The following MAP2 variants were observed in gnomAD, a reference collection of about 807,000 sequenced individuals.
MAP2 encodes microtubule-associated protein 2.
In MAP2, 14 loss-of-function variants were observed where a neutral mutation model predicts 137.6. The observed-to-expected ratio is 0.10, with a 90% confidence interval of 0.07 to 0.16. The LOEUF (loss-of-function observed/expected upper bound fraction) is 0.16. MAP2 is among the 10% of genes least tolerant of loss of function. The pLI, the probability that MAP2 is intolerant of heterozygous loss-of-function variation, is 1.00. For synonymous variants in MAP2, 786 were observed against 782.3 expected (o/e 1.00, Z -0.08); for missense variants, 2,088 against 2,191.5 (o/e 0.95, Z 0.94).
intron 3 of MAP2, among the ~76,000 whole-genome samples, chr2:209,623,261 T>C (rs1402065085): frequency 6.6e-6 from 1 of 152,180 alleles, no homozygotes; most frequent in Non-Finnish European, 1.5e-5. Flanking sequence ...GGAGTGGCTA[T>C]GTGCCAAAAG....
chr2:209,720,392 G>A (rs141339628), intron 13 of MAP2, among the ~76,000 whole-genome samples: 5,810 of 151,970 alleles, frequency 0.038, 196 homozygotes, highest in Middle Eastern at 0.078. Context: ...TAATCCCAGC[G>A]CTTTGGGAGG....
intron 2 of MAP2, among the ~76,000 whole-genome samples, chr2:209,536,788 C>G (rs1227550391): frequency 6.6e-6 from 1 of 151,868 alleles, no homozygotes; most frequent in African/African-American, 2.4e-5. Context: ...TTTCATAAAC[C>G]TGTGAAATGT....
intron 2 of MAP2, among the ~76,000 whole-genome samples, chr2:209,522,124 A>G (rs368231624): frequency 7.2e-5 from 11 of 152,060 alleles, no homozygotes; most frequent in Non-Finnish European, 1.0e-4. Context: ...CCAGTGCCCC[A>G]TTAGGATTGA....
At chr2:209,687,960 A>G (rs542981622) in intron 7 of MAP2, among the ~76,000 whole-genome samples, 1 of 152,264 alleles carries the variant, frequency 6.6e-6, no homozygotes, top group African/African-American at 2.4e-5. Context: ...GCCAGGAGAA[A>G]GGTGAACCAA....
chr2:209,540,930 A>G (rs1188639295), intron 2 of MAP2, among the ~76,000 whole-genome samples: 3 of 151,042 alleles, frequency 2.0e-5, no homozygotes, highest in Non-Finnish European at 4.4e-5. Context: ...CAGTGCATAC[A>G]ATAGTTACGT....
At chr2:209,627,497 G>T (rs1328532390) in intron 4 of MAP2, among the ~76,000 whole-genome samples, 1 of 152,056 alleles carries the variant, frequency 6.6e-6, no homozygotes, top group African/African-American at 2.4e-5. Flanking sequence ...TTACCATTTT[G>T]CATAGGAGGC....
intron 2 of MAP2, among the ~76,000 whole-genome samples, chr2:209,560,292 T>C (rs1326873722): frequency 6.6e-6 from 1 of 152,248 alleles, no homozygotes; most frequent in Non-Finnish European, 1.5e-5. Flanking sequence ...TGAAGAATGA[T>C]AAAACATACA....
chr2:209,542,932 T>C (rs554748389), intron 2 of MAP2, among the ~76,000 whole-genome samples: 1 of 152,364 alleles, frequency 6.6e-6, no homozygotes, highest in Admixed American at 6.5e-5. Context: ...TCTGGAGTAG[T>C]ACTTTTAATT....
chr2:209,678,681 T>C lies in MAP2; in HGVS notation c.372T>C (p.Pro124=). 1 of 1,585,028 alleles carries C rather than the reference T, an allele frequency of 6.3e-7. No individual in the cohort carries two copies. The highest frequency in any genetic ancestry group is 8.6e-7 in the Non-Finnish European group (1 of 1,162,612). The change falls in exon 6 of 16, where the codon CCT becomes CCC. Residue 124 remains proline (P), a synonymous_variant. Transcript: ENST00000682079. ...ATAAAGACCAGACTGCAGCTCTGCC[T>C]TTAGGTAAATAAGAAGATTCTCAGG... ...AQHKDQTAAL[P]LAAEETANLP... is the part of the protein sequence containing the mutation.
chr2:209,669,055 A>G (rs1180763950), intron 5 of MAP2, among the ~76,000 whole-genome samples: 1 of 152,048 alleles, frequency 6.6e-6, no homozygotes, highest in Non-Finnish European at 1.5e-5. Context: ...GTGTAAAGAG[A>G]ATCTTTGCGG....
Position 209,695,168 on chromosome 2 carries a change from T to A in MAP2, c.2998T>A (p.Leu1000Met). Residue 1000 changes from leucine (L) to methionine (M), a missense_variant, in exon 8 of 16, where the codon TTG (leucine) becomes ATG (methionine). This residue lies in a region of MAP2 where 500 missense variants were observed against 482.9 expected (regional missense o/e 1.04). Coordinates refer to ENST00000682079, the MANE Select transcript of MAP2 (RefSeq NM_001375505.1). Reference sequence around the variant, plus strand: ...ATTAGGAGTAACCTATGAGCAAGCTTTGGCCAAAGATTTGTCAATACCAAC... The same window carrying A: ...ATTAGGAGTAACCTATGAGCAAGCTATGGCCAAAGATTTGTCAATACCAAC... ...FGLGVTYEQA[L>M]AKDLSIPTDA... 6.2e-7 allele frequency: 1 copy of A among 1,614,140 alleles called. No individual in the cohort carries two copies. The highest frequency in any genetic ancestry group is 8.5e-7 in the Non-Finnish European group (1 of 1,180,014).
chr2:209,610,844 A>G lies in MAP2; in HGVS notation c.-106-14209A>G, dbSNP rs1391532839. ...TAGCTAATGCCTAATTCTTTAGCCTAAGTGCTTTTGACTTGAGAGCCATTC... is the reference window on the plus strand; with the variant it reads ...TAGCTAATGCCTAATTCTTTAGCCTGAGTGCTTTTGACTTGAGAGCCATTC... On this transcript the variant is annotated intron_variant, in intron 3 of 15. Transcript: ENST00000682079. 2.0e-5 allele frequency among the ~76,000 whole-genome samples: 3 copies of G among 152,184 alleles called. No homozygotes were observed. In the East Asian group the frequency reaches 5.8e-4, roughly 29 times the overall value.
chr2:209,578,929 GTT>G (rs376282854), intron 2 of MAP2, among the ~76,000 whole-genome samples: 2 of 139,978 alleles, frequency 1.4e-5, no homozygotes, highest in African/African-American at 2.7e-5. Context: ...CTAATTCTCT[GTT>G]TTTTTTTTTT....
intron 1 of MAP2, among the ~76,000 whole-genome samples, chr2:209,434,277 C>G (rs988169271): frequency 6.6e-6 from 1 of 151,760 alleles, no homozygotes; most frequent in African/African-American, 2.4e-5. Flanking sequence ...GAGCTGTTTA[C>G]TTTTTTCCTA....
At chr2:209,697,200 T>A in intron 10 of MAP2, 149 bp downstream of exon 10, 1 of 703,394 alleles carries the variant, frequency 1.4e-6, no homozygotes, top group Non-Finnish European at 2.2e-6. Flanking sequence ...CTTGTATCAT[T>A]ATTCTTTTTT....
chr2:209,630,115 A>G (rs908135689), intron 4 of MAP2, among the ~76,000 whole-genome samples: 3 of 152,014 alleles, frequency 2.0e-5, no homozygotes, highest in South Asian at 2.1e-4. Context: ...TTACTATGCA[A>G]TTAGTTCTTT....
intron 1 of MAP2, among the ~76,000 whole-genome samples, chr2:209,490,851 G>A (rs1402925077): frequency 6.6e-6 from 1 of 151,884 alleles, no homozygotes; most frequent in Admixed American, 6.6e-5. Context: ...CAATAATAGT[G>A]GGAGACTTTA....
chr2:209,654,043 T>C (rs1582327425), intron 5 of MAP2, among the ~76,000 whole-genome samples: 2 of 152,212 alleles, frequency 1.3e-5, no homozygotes, highest in East Asian at 3.8e-4. Context: ...ATGAGCAGTA[T>C]AGAAAGGCAA....
chr2:209,648,459 C>T (rs2094548300), intron 4 of MAP2, among the ~76,000 whole-genome samples: 1 of 151,768 alleles, frequency 6.6e-6, no homozygotes, highest in Non-Finnish European at 1.5e-5. Context: ...TATATATTGA[C>T]GTGTGTTTTG....
Sources: allele counts gnomAD v4.1 joint callset (sites outside exome capture counted in the v4.1 genomes callset), GRCh38; gene constraint gnomAD v4.1.1; regional missense constraint gnomAD v4.1.1; transcripts MANE v1.5; gene names NCBI Gene and HGNC (gene_info 2026-07-23, HGNC 2026-07-21).